Variants in SPICE1 observed in about 807,000 individuals in gnomAD.
SPICE1 encodes spindle and centriole associated protein 1.
A neutral mutation model predicts 102.7 loss-of-function variants in SPICE1; 75 were observed. The ratio of observed to expected loss-of-function variants is 0.73; its 90% confidence interval spans 0.61 to 0.88. The LOEUF is 0.88. Among genes scored for constraint, SPICE1 ranks in the 40% least tolerant of loss-of-function variants. SPICE1 has a pLI of 0.00. For synonymous variants in SPICE1, 308 were observed against 350.3 expected, an observed-to-expected ratio of 0.88 and a Z score of 1.35; for missense variants, 979 against 1,020.1, an observed-to-expected ratio of 0.96 and a Z score of 0.55.
chr3:113,449,667 C>G (rs1935599086), intron 15 of SPICE1: 1 of 152,226 alleles, frequency 6.6e-6, no homozygotes, highest in African/African-American at 2.4e-5. Flanking sequence ...TCTCAGAGAA[C>G]ACATCAATTA....
At chr3:113,454,831 G>T (rs1414742092) in intron 13 of SPICE1, among the ~76,000 whole-genome samples, 2 of 152,012 alleles carry the variant, frequency 1.3e-5, no homozygotes, top group Non-Finnish European at 2.9e-5. Flanking sequence ...AGGAAGGAAG[G>T]GTTCTCAGGC....
At chr3:113,457,492 T>C in intron 12 of SPICE1, 135 bp from the exon 13 acceptor site, 1 of 822,290 alleles carries the variant, frequency 1.2e-6, no homozygotes, top group South Asian at 1.8e-5. Context: ...GAGCCTTCAC[T>C]TTCTAGGCTG....
intron 16 of SPICE1, 27 bp downstream of exon 16, chr3:113,448,011 T>A (rs187135632): frequency 1.3e-4 from 193 of 1,539,964 alleles, no homozygotes; most frequent in East Asian, 6.3e-4. Context: ...TTTTTTTTTT[T>A]AAATAAATAT....
intron 12 of SPICE1, among the ~76,000 whole-genome samples, chr3:113,458,802 T>C (rs1935849773): frequency 6.6e-6 from 1 of 150,438 alleles, no homozygotes; most frequent in African/African-American, 2.5e-5. Flanking sequence ...GTCTGGGATG[T>C]GGGGAGCGTC....
At position 113,453,904 on chromosome 3, in the gene SPICE1, T is replaced by C. The variant is rs1179167769; in HGVS notation, c.1704A>G (p.Pro568=). ...VQTRPAPRLP[P]TVEIIEKEQN... is the part of the protein sequence containing the mutation. ...GTTCCTTCTCAATTATTTCCACAGT[T>C]GGAGGAAGTCGTGGAGCAGGACGAG... Residue 568 remains proline, a synonymous_variant, in exon 14 of 18, where the codon CCA becomes CCG. Coordinates refer to ENST00000295872, the MANE Select transcript of SPICE1 (RefSeq NM_144718.4). 6.2e-7 allele frequency: 1 copy of C among 1,614,118 alleles called. No individual in the cohort carries two copies. The highest frequency in any genetic ancestry group is 8.5e-7 in the Non-Finnish European group (1 of 1,179,970).
At chr3:113,508,231 T>C (rs1180370933) in intron 1 of SPICE1, among the ~76,000 whole-genome samples, 2 of 152,058 alleles carry the variant, frequency 1.3e-5, no homozygotes, top group Non-Finnish European at 2.9e-5. Flanking sequence ...AATGGTTTCT[T>C]AGAAATGACA....
At chr3:113,483,912 C>A (rs1936581006) in intron 7 of SPICE1, among the ~76,000 whole-genome samples, 1 of 152,122 alleles carries the variant, frequency 6.6e-6, no homozygotes, top group Non-Finnish European at 1.5e-5. Flanking sequence ...AGGGAGGATT[C>A]CCTCTTTTTC....
intron 1 of SPICE1, 86 bp from the exon 2 acceptor site, chr3:113,506,691 A>G: frequency 9.5e-7 from 1 of 1,056,378 alleles, no homozygotes; most frequent in South Asian, 1.5e-5. Flanking sequence ...CTGAAAAAAA[A>G]AACAAATTTT....
At chr3:113,459,549 G>T (rs1354373956) in intron 12 of SPICE1, 38 of 985,244 alleles carry the variant, frequency 3.9e-5, no homozygotes, top group Non-Finnish European at 4.3e-5. Context: ...GCTTAATTCA[G>T]ATAATAGTAA....
At chr3:113,501,241 C>T (rs1348934369) in intron 3 of SPICE1, among the ~76,000 whole-genome samples, 1 of 152,106 alleles carries the variant, frequency 6.6e-6, no homozygotes, top group African/African-American at 2.4e-5. Context: ...CCTCCCACCA[C>T]ACACCATACA....
At chr3:113,459,621 C>A (rs1191218486) in intron 12 of SPICE1, 1 of 983,950 alleles carries the variant, frequency 1.0e-6, no homozygotes, top group Non-Finnish European at 1.2e-6. Context: ...CGGTGGCTCA[C>A]GCCTGTAATC....
chr3:113,448,444 C>T (rs1348469833), intron 15 of SPICE1, among the ~76,000 whole-genome samples: 1 of 151,786 alleles, frequency 6.6e-6, no homozygotes, highest in Non-Finnish European at 1.5e-5. Flanking sequence ...CCCTAAAGAG[C>T]TTGAGATCTT....
intron 7 of SPICE1, 37 bp downstream of exon 7, chr3:113,488,908 C>G (rs769808693): frequency 6.2e-6 from 8 of 1,296,228 alleles, no homozygotes; most frequent in Non-Finnish European, 8.8e-6. Flanking sequence ...ATGGAAAAAA[C>G]CTGAGAGTTG....
At chr3:113,507,721 G>C (rs936753912) in intron 1 of SPICE1, among the ~76,000 whole-genome samples, 1 of 152,122 alleles carries the variant, frequency 6.6e-6, no homozygotes, top group African/African-American at 2.4e-5. Flanking sequence ...TAGCCACGGT[G>C]GTAATGATGG....
At chr3:113,446,997 G>A (rs138876191) in intron 16 of SPICE1, among the ~76,000 whole-genome samples, 7 of 152,186 alleles carry the variant, frequency 4.6e-5, no homozygotes, top group East Asian at 3.9e-4. Context: ...TGCTATTCTC[G>A]TGATAGTAAA....
In SPICE1 at chr3:113,450,575, C is replaced by A; in HGVS notation, c.2143-59G>T. On this transcript the variant is annotated intron_variant, in intron 14 of 17. Transcript: ENST00000295872. ...ATACTGAATACTGAAAAATCTCTCC[C>A]ACGATTTTTTTTTTTTTTTTAGGCA... 4 of 1,467,508 alleles carry A rather than the reference C, an allele frequency of 2.7e-6. No homozygotes were observed. The South Asian group carries it at 5.8e-5, about 21-fold the overall frequency. The allele number at this position is 1,467,508 out of a possible 1,614,324, so 90.9% of individuals were successfully genotyped here. A position where few individuals can be genotyped will look rare whatever the true frequency, so the allele number is the denominator to read the frequency against.
At chr3:113,449,768 TC>T (rs2107441876) in intron 15 of SPICE1, 1 of 154,204 alleles carries the variant, frequency 6.5e-6, no homozygotes, top group South Asian at 2.0e-4. Flanking sequence ...CATGTAGCTG[TC>T]CCTTGAGGGC....
intron 7 of SPICE1, among the ~76,000 whole-genome samples, chr3:113,482,108 A>G (rs559354136): frequency 6.4e-4 from 97 of 152,316 alleles, no homozygotes; most frequent in Non-Finnish European, 9.8e-4. Flanking sequence ...TCGCCATTCT[A>G]ACTGGCGTGA....
intron 7 of SPICE1, among the ~76,000 whole-genome samples, chr3:113,483,212 T>C (rs1417255275): frequency 3.3e-5 from 5 of 152,196 alleles, no homozygotes; most frequent in Non-Finnish European, 7.4e-5. Context: ...TGTTTGTCTG[T>C]TATTGGTGTA....
Sources: gnomAD v4.1 joint callset for allele counts (sites outside exome capture counted in the v4.1 genomes callset) on GRCh38, gnomAD v4.1.1 for gene constraint, MANE v1.5 for transcripts, NCBI Gene and HGNC (gene_info 2026-07-23, HGNC 2026-07-21) for gene names.